CHN1: variants seen among roughly 807,000 people sequenced by gnomAD.
The protein encoded by CHN1 is N-chimaerin.
Under a neutral mutation model 59.5 loss-of-function variants are expected in CHN1, and 37 were observed. That is an observed-to-expected ratio of 0.62 (90% CI 0.48 to 0.82). The LOEUF (loss-of-function observed/expected upper bound fraction) is 0.82. CHN1 is among the 40% of genes least tolerant of loss of function. The probability of loss-of-function intolerance (pLI) is 0.00; values close to 1 mark genes in which losing one functional copy is unlikely to be tolerated. For missense variants in CHN1, 469 were observed against 571.0 expected, an observed-to-expected ratio of 0.82 and a Z score of 1.82; for synonymous variants, 206 against 200.4, an observed-to-expected ratio of 1.03 and a Z score of -0.24.
Position 174,878,035 on chromosome 2 carries a change from A to G in CHN1, c.354T>C (p.Thr118=), listed in dbSNP as rs1290400780. ...CAATATAGAGAGTAATCAAGCCATCAGTCACCAGATCGTGGATGGACTCAA... is the reference window on the plus strand; with the variant it reads ...CAATATAGAGAGTAATCAAGCCATCGGTCACCAGATCGTGGATGGACTCAA... ...KRFESIHDLV[T]DGLITLYIET... Residue 118 remains threonine, a synonymous_variant, in exon 6 of 13, where the codon ACT becomes ACC. Transcript: ENST00000409900. 6.2e-7 allele frequency: 1 copy of G among 1,613,902 alleles called. No homozygotes were observed. Among genetic ancestry groups the G allele is most frequent in the East Asian group, 2.2e-5 (1 of 44,880 alleles).
At chr2:174,868,495 C>G (rs936181445) in intron 6 of CHN1, among the ~76,000 whole-genome samples, 13 of 152,214 alleles carry the variant, frequency 8.5e-5, no homozygotes, top group African/African-American at 3.1e-4. Context: ...AGGGCCCACT[C>G]CAGTCAACGT....
At position 175,004,930 on chromosome 2, in the gene CHN1, C is replaced by G; in HGVS notation, c.-18G>C. The G allele has an allele frequency of 6.5e-7, 1 of 1,532,394 alleles. No individual in the cohort carries two copies. Among genetic ancestry groups the G allele is most frequent in the Non-Finnish European group, 8.7e-7 (1 of 1,143,624 alleles). The allele number at this position is 1,532,394 out of a possible 1,614,324, so 94.9% of individuals were successfully genotyped here. The stretch of plus-strand genomic sequence containing the variant: ...AGGGCCATTGTAAAGGCGCTCGCCG[C>G]CGCCCGCGAGTCCAGGCGCTCCTCC... On this transcript the variant is annotated 5_prime_UTR_variant, in exon 1 of 13. Transcript: ENST00000409900.
At chr2:174,910,145 G>C (rs1330116586) in intron 5 of CHN1, among the ~76,000 whole-genome samples, 1 of 152,122 alleles carries the variant, frequency 6.6e-6, no homozygotes, top group Middle Eastern at 3.2e-3. Flanking sequence ...CATAGAAAGT[G>C]TTCCTGTTTA....
At chr2:174,844,208 AAAAAG>A (rs1188902976) in intron 7 of CHN1, among the ~76,000 whole-genome samples, 1 of 152,022 alleles carries the variant, frequency 6.6e-6, no homozygotes, top group Non-Finnish European at 1.5e-5. Context: ...AGAAAAAAAA[AAAAAG>A]AGACCATGTT....
chr2:174,892,375 G>T (rs1459400524), intron 5 of CHN1, among the ~76,000 whole-genome samples: 3 of 152,170 alleles, frequency 2.0e-5, no homozygotes, highest in Non-Finnish European at 4.4e-5. Context: ...CCAGGGTTTG[G>T]CCCTTTTTCC....
intron 1 of CHN1, among the ~76,000 whole-genome samples, chr2:174,964,675 A>G (rs1208714054): frequency 6.6e-6 from 1 of 152,166 alleles, no homozygotes; most frequent in East Asian, 1.9e-4. Context: ...GGAGGTCTTC[A>G]TTTACCTCTT....
intron 1 of CHN1, among the ~76,000 whole-genome samples, chr2:174,995,346 G>A (rs922505145): frequency 7.2e-5 from 11 of 152,274 alleles, no homozygotes; most frequent in African/African-American, 2.4e-4. Context: ...ATGCTATTCT[G>A]AGCAGCATGA....
intron 2 of CHN1, among the ~76,000 whole-genome samples, chr2:174,949,042 G>A (rs1015618613): frequency 6.6e-6 from 1 of 152,094 alleles, no homozygotes; most frequent in African/African-American, 2.4e-5. Context: ...TAAAATTCCA[G>A]TCTCTATTGA....
At chr2:174,981,354 C>G (rs1274092448) in intron 1 of CHN1, among the ~76,000 whole-genome samples, 1 of 151,704 alleles carries the variant, frequency 6.6e-6, no homozygotes, top group Non-Finnish European at 1.5e-5. Flanking sequence ...CACTGAGCAC[C>G]CCAGAAGCTA....
intron 3 of CHN1, among the ~76,000 whole-genome samples, chr2:174,940,139 C>T (rs182982391): frequency 0.015 from 2,230 of 152,218 alleles, 24 homozygotes; most frequent in Non-Finnish European, 0.022. Context: ...AAGCAATTTT[C>T]CTGCCTCAGC....
At chr2:174,926,993 C>T (rs1038009008) in intron 3 of CHN1, among the ~76,000 whole-genome samples, 16 of 152,196 alleles carry the variant, frequency 1.1e-4, no homozygotes, top group African/African-American at 3.4e-4. Flanking sequence ...CTCCTGACCT[C>T]GTGATCTGCC....
chr2:174,862,999 A>G (rs1176166581), intron 6 of CHN1, among the ~76,000 whole-genome samples: 1 of 152,246 alleles, frequency 6.6e-6, no homozygotes, highest in African/African-American at 2.4e-5. Flanking sequence ...TACCTCAAGG[A>G]AACAACTGAC....
chr2:174,821,930 G>A (rs1387361605), intron 8 of CHN1, among the ~76,000 whole-genome samples: 3 of 152,178 alleles, frequency 2.0e-5, no homozygotes, highest in African/African-American at 7.2e-5. Flanking sequence ...GTTGTTCTGG[G>A]AATTAGAAGC....
intron 5 of CHN1, among the ~76,000 whole-genome samples, chr2:174,906,768 G>GA (rs2105362242): frequency 6.6e-6 from 1 of 151,986 alleles, no homozygotes; most frequent in East Asian, 1.9e-4. Context: ...TTTGGTCCAG[G>GA]AAAAAAATGA....
At chr2:174,926,015 A>G (rs911522066) in intron 3 of CHN1, among the ~76,000 whole-genome samples, 1 of 152,200 alleles carries the variant, frequency 6.6e-6, no homozygotes, top group African/African-American at 2.4e-5. Flanking sequence ...GTTATATGCT[A>G]TTTCACTGGA....
At chr2:174,805,255 C>T (rs914557352) in intron 11 of CHN1, among the ~76,000 whole-genome samples, 1 of 152,204 alleles carries the variant, frequency 6.6e-6, no homozygotes, top group African/African-American at 2.4e-5. Flanking sequence ...CCTCTGGAAG[C>T]AGTGAGTGAG....
At chr2:174,977,771 C>T (rs1690995176) in intron 1 of CHN1, among the ~76,000 whole-genome samples, 4 of 152,178 alleles carry the variant, frequency 2.6e-5, no homozygotes, top group African/African-American at 7.2e-5. Flanking sequence ...CTAAAGGGAC[C>T]TGTGTGGTAA....
rs924837678 is a variant in CHN1, at chr2:174,823,401, C to T, written c.712+1033G>A. 5.5e-4 allele frequency among the ~76,000 whole-genome samples: 84 copies of T among 152,286 alleles called. 1 individual carries two copies. Among genetic ancestry groups the T allele is most frequent in the Non-Finnish European group, 3.1e-4 (21 of 68,016 alleles). Reference sequence around the variant, plus strand: ...AGTTTGGGCTGGGTGCGGTGGCTCACGCCTGTAATCCCAGCACTTTGGGAG... The same window carrying T: ...AGTTTGGGCTGGGTGCGGTGGCTCATGCCTGTAATCCCAGCACTTTGGGAG... On this transcript the variant is annotated intron_variant, in intron 8 of 12. Transcript: ENST00000409900.
chr2:174,982,799 T>C (rs1192667465), intron 1 of CHN1, among the ~76,000 whole-genome samples: 1 of 152,214 alleles, frequency 6.6e-6, no homozygotes, highest in Non-Finnish European at 1.5e-5. Flanking sequence ...AAATAAACAG[T>C]TATATATCAA....
Sources: allele counts gnomAD v4.1 joint callset (sites outside exome capture counted in the v4.1 genomes callset), GRCh38; gene constraint gnomAD v4.1.1; transcripts MANE v1.5; gene names NCBI Gene and HGNC (gene_info 2026-07-23, HGNC 2026-07-21).